The following KLHL29 variants were observed in gnomAD, a reference collection of about 807,000 sequenced individuals.
KLHL29 encodes kelch-like protein 29.
KLHL29 carries 21 observed loss-of-function variants against 80.4 expected under a neutral mutation model. The ratio of observed to expected loss-of-function variants is 0.26; its 90% confidence interval spans 0.19 to 0.38. The LOEUF (loss-of-function observed/expected upper bound fraction) is 0.38, where lower values mean the gene tolerates loss of function less well. Ranked by LOEUF, KLHL29 falls within the 10% of genes least tolerant of loss-of-function variation. KLHL29 has a pLI of 1.00. For synonymous variants in KLHL29, 511 were observed against 526.8 expected, an observed-to-expected ratio of 0.97 and a Z score of 0.41; for missense variants, 867 against 1,223.9, an observed-to-expected ratio of 0.71 and a Z score of 4.35.
At chr2:23,430,076 G>A (rs113658637) in intron 1 of KLHL29, among the ~76,000 whole-genome samples, 25 of 152,262 alleles carry the variant, frequency 1.6e-4, no homozygotes, top group Admixed American at 3.3e-4. Flanking sequence ...AACCCTTGCC[G>A]TGTGACTCTG....
chr2:23,560,482 G>A (rs1667421840), intron 2 of KLHL29, among the ~76,000 whole-genome samples: 1 of 152,136 alleles, frequency 6.6e-6, no homozygotes, highest in Non-Finnish European at 1.5e-5. Context: ...TGTTGGCCAA[G>A]ATGGTCTGGA....
At chr2:23,407,250 C>G (rs1375495336) in intron 1 of KLHL29, among the ~76,000 whole-genome samples, 1 of 152,144 alleles carries the variant, frequency 6.6e-6, no homozygotes, top group Non-Finnish European at 1.5e-5. Flanking sequence ...ATTCCTGGAA[C>G]TGTATTTACC....
chr2:23,428,595 C>A (rs547144684), intron 1 of KLHL29, among the ~76,000 whole-genome samples: 151 of 152,234 alleles, frequency 9.9e-4, no homozygotes, highest in African/African-American at 3.5e-3. Context: ...ACCTTGTTTA[C>A]CATCCTACCC....
rs1228018735 is a variant in KLHL29 at position 23,695,415 on chromosome 2, G to A, written c.1543-208G>A. Among the ~76,000 whole-genome samples the A allele has an allele frequency of 4.0e-5, 6 of 151,718 alleles. No individual in the cohort carries two copies. Among genetic ancestry groups the A allele is most frequent in the African/African-American group, 7.3e-5 (3 of 41,270 alleles). On this transcript the variant is annotated intron_variant, in intron 8 of 13. Coordinates refer to ENST00000486442, the MANE Select transcript of KLHL29 (RefSeq NM_052920.2). This position sits in a 1 kb window ranked among gnomAD's most constrained non-coding sequence, Gnocchi z 7.6. ...GCTGCAGCCTGCCAGCCTCCCCTCC[G>A]CACCCCTGCGCTCCCGGCCCTCCCC...
chr2:23,654,118 G>T (rs1413913599), intron 5 of KLHL29, among the ~76,000 whole-genome samples: 1 of 152,014 alleles, frequency 6.6e-6, no homozygotes, highest in African/African-American at 2.4e-5. Flanking sequence ...AGTGAGCCAA[G>T]ATCGCACCAC....
intron 3 of KLHL29, among the ~76,000 whole-genome samples, chr2:23,618,668 T>C (rs1669085203): frequency 2.0e-5 from 3 of 152,210 alleles, no homozygotes; most frequent in Admixed American, 1.3e-4. Flanking sequence ...TCGGCCTCCA[T>C]GGTTACAGGA....
At chr2:23,500,952 C>T (rs948090297) in intron 2 of KLHL29, among the ~76,000 whole-genome samples, 3 of 152,056 alleles carry the variant, frequency 2.0e-5, no homozygotes, top group African/African-American at 4.8e-5. Context: ...AAGTGGAAAT[C>T]GCATCTGTTT....
chr2:23,483,759 G>A (rs1664858694), intron 2 of KLHL29, among the ~76,000 whole-genome samples: 1 of 152,152 alleles, frequency 6.6e-6, no homozygotes, highest in South Asian at 2.1e-4. Context: ...AAAGCCCAGA[G>A]AGGTCTAGTA....
Position 23,481,587 on chromosome 2 carries a change from T to C in KLHL29, c.-46+5920T>C, listed in dbSNP as rs1035679326. On this transcript the variant is annotated intron_variant, in intron 2 of 13. Coordinates refer to ENST00000486442, the MANE Select transcript of KLHL29 (RefSeq NM_052920.2). ...TAACCCCACAATGGGTAATTGTAGCTAGTTCTGCCAAGAGCCCTCCAAGAT... is the reference window on the plus strand; with the variant it reads ...TAACCCCACAATGGGTAATTGTAGCCAGTTCTGCCAAGAGCCCTCCAAGAT... Among the ~76,000 whole-genome samples the C allele has an allele frequency of 3.3e-5, 5 of 152,164 alleles. No homozygotes were observed. In the East Asian group the frequency reaches 7.7e-4, roughly 23 times the overall value.
At chr2:23,572,681 C>T (rs1667742977) in intron 3 of KLHL29, among the ~76,000 whole-genome samples, 1 of 151,878 alleles carries the variant, frequency 6.6e-6, no homozygotes, top group Non-Finnish European at 1.5e-5. Flanking sequence ...AGTGGAGCAG[C>T]CTCCAAAAAC....
chr2:23,490,445 A>G (rs1243471686), intron 2 of KLHL29, among the ~76,000 whole-genome samples: 1 of 152,176 alleles, frequency 6.6e-6, no homozygotes, highest in Admixed American at 6.5e-5. Context: ...AAACCTTCCT[A>G]CTCTGCAGGA....
intron 11 of KLHL29, chr2:23,697,222 G>A (rs1481562071): frequency 6.6e-6 from 1 of 152,282 alleles, no homozygotes; most frequent in East Asian, 1.9e-4. Flanking sequence ...TGAGGGGCGT[G>A]GGCTGAAGTG....
chr2:23,439,815 TGTCTA>T (rs1663457746), intron 1 of KLHL29, among the ~76,000 whole-genome samples: 1 of 152,150 alleles, frequency 6.6e-6, no homozygotes, highest in African/African-American at 2.4e-5. Flanking sequence ...GTTCTGTAGA[TGTCTA>T]TTAGGTCCGC....
At chr2:23,517,978 C>T (rs1665991701) in intron 2 of KLHL29, among the ~76,000 whole-genome samples, 1 of 152,190 alleles carries the variant, frequency 6.6e-6, no homozygotes, top group African/African-American at 2.4e-5. Flanking sequence ...CAGTGTTCTC[C>T]TCTTCAAAAC....
intron 3 of KLHL29, among the ~76,000 whole-genome samples, chr2:23,599,352 C>T (rs992826000): frequency 1.2e-4 from 18 of 152,076 alleles, no homozygotes; most frequent in African/African-American, 3.6e-4. Context: ...ATGAGGAAAC[C>T]GGGGCTTTTC....
chr2:23,536,380 C>T (rs184372013), intron 2 of KLHL29, among the ~76,000 whole-genome samples: 2 of 152,316 alleles, frequency 1.3e-5, no homozygotes, highest in East Asian at 3.9e-4. Flanking sequence ...GCTGTCAGAG[C>T]GGGTTGGCTC....
intron 1 of KLHL29, among the ~76,000 whole-genome samples, chr2:23,388,176 A>G (rs1030936145): frequency 2.0e-5 from 3 of 152,220 alleles, no homozygotes; most frequent in African/African-American, 7.2e-5. Flanking sequence ...AGTGGTGGTC[A>G]TACTTCAAGT....
chr2:23,638,020 C>G lies in KLHL29; in HGVS notation c.286-1119C>G, dbSNP rs138859491. Reference sequence around the variant, plus strand: ...CCACACCTGTGCATATCCCAGGTATCCTATCCCAACCTTGCCAGCATGTAT... The same window carrying G: ...CCACACCTGTGCATATCCCAGGTATGCTATCCCAACCTTGCCAGCATGTAT... On this transcript the variant is annotated intron_variant, in intron 3 of 13. Transcript: ENST00000486442. 1.7e-4 allele frequency among the ~76,000 whole-genome samples: 26 copies of G among 150,286 alleles called. No homozygotes were observed. The East Asian group carries it at 2.2e-3, about 12-fold the overall frequency.
intron 3 of KLHL29, among the ~76,000 whole-genome samples, chr2:23,611,755 A>T (rs1406240671): frequency 6.6e-6 from 1 of 152,206 alleles, no homozygotes; most frequent in African/African-American, 2.4e-5. Flanking sequence ...CATGTTCCAG[A>T]TGTTAAAAGA....
Sources: gnomAD v4.1 joint callset for allele counts (sites outside exome capture counted in the v4.1 genomes callset) on GRCh38, gnomAD v4.1.1 for gene constraint, Gnocchi (gnomAD v3.1) non-coding constraint, MANE v1.5 for transcripts, NCBI Gene and HGNC (gene_info 2026-07-23, HGNC 2026-07-21) for gene names.